Variants in NBPF26 observed in about 807,000 individuals in gnomAD.
The protein encoded by NBPF26 is NBPF member 26.
A neutral mutation model predicts 119.6 loss-of-function variants in NBPF26; 79 were observed. That is an observed-to-expected ratio of 0.66 (90% CI 0.55 to 0.80). The LOEUF is 0.80. Among genes scored for constraint, NBPF26 ranks in the 30% least tolerant of loss-of-function variants. The probability of loss-of-function intolerance (pLI) is 0.00; values close to 1 mark genes in which losing one functional copy is unlikely to be tolerated. For synonymous variants in NBPF26, 299 were observed against 457.7 expected (o/e 0.65, Z 4.43); for missense variants, 800 against 1,198.2 (o/e 0.67, Z 4.91).
chr1:120,724,218 C>G lies in NBPF26; in HGVS notation c.41C>G (p.Ala14Gly), dbSNP rs1353903876. The G allele has an allele frequency of 5.5e-5, 78 of 1,406,742 alleles. 14 individuals are homozygous for G. The South Asian group carries it at 9.7e-4, about 17-fold the overall frequency. The allele number at this position is 1,406,742 out of a possible 1,614,324, so 87.1% of individuals were successfully genotyped here. A position where few individuals can be genotyped will look rare whatever the true frequency, so the allele number is the denominator to read the frequency against. ...CCCGCTCTGCTGTGGGCGCTGCTGG[C>G]GCTCTGGCTGTGCTGGGCGGCCCCC... The change falls in exon 1 of 30, where the codon GCG becomes GGG. Residue 14 changes from alanine (A) to glycine (G), a missense_variant. By Grantham distance (60) the Ala-to-Gly change is moderately conservative. This residue lies in a region of NBPF26 where 209 missense variants were observed against 285.2 expected (regional missense o/e 0.73). Transcript: ENST00000620612.
intron 22 of NBPF26, among the ~76,000 whole-genome samples, chr1:120,832,579 G>C (rs1652364168): frequency 8.4e-6 from 1 of 119,560 alleles, no homozygotes; most frequent in Non-Finnish European, 1.6e-5. Flanking sequence ...AATCATTTGA[G>C]GGTATTTGCT....
chr1:120,793,566 A>T, intron 4 of NBPF26, 70 bp downstream of exon 4: 1 of 1,117,130 alleles, frequency 9.0e-7, no homozygotes. Context: ...GGTGTGGCTC[A>T]ATTGCATTTT....
intron 16 of NBPF26, among the ~76,000 whole-genome samples, chr1:120,823,053 G>C (rs1256853247): frequency 8.2e-6 from 1 of 121,962 alleles, no homozygotes; most frequent in Admixed American, 7.9e-5. Context: ...TTGCTCATTT[G>C]TGTACATAAA....
At chr1:120,817,847 A>AT (rs1226938292) in intron 14 of NBPF26, among the ~76,000 whole-genome samples, 4 of 107,758 alleles carry the variant, frequency 3.7e-5, no homozygotes, top group Non-Finnish European at 6.9e-5. Flanking sequence ...ATTTTTGGAG[A>AT]TTTTTTTGGG....
At position 120,780,097 on chromosome 1, in the gene NBPF26, A is replaced by T. The variant is rs1408256023; in HGVS notation, c.156-4877A>T. 3.1e-4 allele frequency among the ~76,000 whole-genome samples: 39 copies of T among 124,922 alleles called. 2 individuals carry two copies. The South Asian group carries it at 7.6e-3, about 24-fold the overall frequency. 82.0% of individuals were successfully genotyped at this position (124,922 alleles called of 152,430 possible). ...TTGAGAGACTGACTTTATCCATCACATGAAATTTAGCCTGCTATGGAACCA... is the reference window on the plus strand; with the variant it reads ...TTGAGAGACTGACTTTATCCATCACTTGAAATTTAGCCTGCTATGGAACCA... On this transcript the variant is annotated intron_variant, in intron 2 of 29. Coordinates refer to ENST00000620612, the Ensembl canonical transcript of NBPF26.
chr1:120,809,206 G>GAA (rs1264913165), intron 7 of NBPF26, among the ~76,000 whole-genome samples: 2 of 142,890 alleles, frequency 1.4e-5, no homozygotes, highest in South Asian at 4.4e-4. Context: ...GCAAGGGTCT[G>GAA]AAGCATCCAA....
intron 4 of NBPF26, among the ~76,000 whole-genome samples, chr1:120,804,914 C>A (rs1651643456): frequency 8.3e-6 from 1 of 119,960 alleles, no homozygotes. Context: ...CGGAGGATAT[C>A]AGGGCAGGCT....
chr1:120,812,958 A>AATG (rs1651908839), intron 10 of NBPF26, among the ~76,000 whole-genome samples: 1 of 115,832 alleles, frequency 8.6e-6, no homozygotes, highest in East Asian at 2.1e-4. Flanking sequence ...TAATAATAAT[A>AATG]AATAAAAATA....
intron 15 of NBPF26, among the ~76,000 whole-genome samples, chr1:120,819,342 C>T (rs1652082000): frequency 8.8e-6 from 1 of 113,706 alleles, no homozygotes; most frequent in African/African-American, 5.1e-5. Flanking sequence ...GTAGATCTTC[C>T]TCCATCCCTT....
At chr1:120,803,607 A>G (rs1422625051) in intron 4 of NBPF26, among the ~76,000 whole-genome samples, 1 of 123,216 alleles carries the variant, frequency 8.1e-6, no homozygotes, top group Non-Finnish European at 1.7e-5. Context: ...CATCACAAAA[A>G]CCAAAAAATG....
intron 29 of NBPF26, among the ~76,000 whole-genome samples, chr1:120,840,063 AC>A (rs1240504042): frequency 1.5e-5 from 1 of 65,608 alleles, no homozygotes. Flanking sequence ...GAGGGCACTA[AC>A]TCAGAGTGTC....
At chr1:120,764,502 G>C (rs1458984773) in intron 2 of NBPF26, among the ~76,000 whole-genome samples, 4 of 91,374 alleles carry the variant, frequency 4.4e-5, no homozygotes, top group Non-Finnish European at 8.3e-5. Context: ...TGTAGATTGA[G>C]GGGGAGCAGG....
rs1289532136 is a variant in NBPF26, at chr1:120,733,427, CT to C, written c.73+9179del. On this transcript the variant is annotated intron_variant, in intron 1 of 29. Coordinates refer to ENST00000620612, the Ensembl canonical transcript of NBPF26. ...AATATTAAGGGTGTTAGTCTTTTGT[CT>C]TAAATATGTCACAATATGTATGGAA... Among the ~76,000 whole-genome samples, 2 of 101,938 alleles carry C rather than the reference CT, an allele frequency of 2.0e-5. 1 individual carries two copies. Among genetic ancestry groups the C allele is most frequent in the Non-Finnish European group, 3.6e-5 (2 of 55,888 alleles). The allele number at this position is 101,938 out of a possible 152,430, so 66.9% of individuals were successfully genotyped here. A position where few individuals can be genotyped will look rare whatever the true frequency, so the allele number is the denominator to read the frequency against.
At chr1:120,765,921 G>A (rs1651186018) in intron 2 of NBPF26, among the ~76,000 whole-genome samples, 2 of 87,788 alleles carry the variant, frequency 2.3e-5, no homozygotes, top group Admixed American at 1.1e-4. Context: ...ATAAGTGGGA[G>A]CTGAACAATG....
chr1:120,784,291 T>C (rs1651398163), intron 2 of NBPF26, among the ~76,000 whole-genome samples: 1 of 117,888 alleles, frequency 8.5e-6, no homozygotes, highest in East Asian at 2.1e-4. Flanking sequence ...AGTAAGTCTG[T>C]TGTACCTCAT....
rs1449461035 is a variant in NBPF26 at position 120,814,676 on chromosome 1, C to A, written c.1878-153C>A. Among the ~76,000 whole-genome samples the A allele has an allele frequency of 2.4e-5, 3 of 123,762 alleles. 1 individual carries two copies. The highest frequency in any genetic ancestry group is 4.9e-5 in the Non-Finnish European group (3 of 60,632). 81.2% of individuals were successfully genotyped at this position (123,762 alleles called of 152,430 possible). A position where few individuals can be genotyped will look rare whatever the true frequency, so the allele number is the denominator to read the frequency against. On this transcript the variant is annotated intron_variant, in intron 11 of 29. Transcript: ENST00000620612. ...GGAAGCCTGTAAACCATTTTCTATTCTTTCTCTTGGCCACAGACATTCCTT... is the reference window on the plus strand; with the variant it reads ...GGAAGCCTGTAAACCATTTTCTATTATTTCTCTTGGCCACAGACATTCCTT...
At position 120,804,292 on chromosome 1, in the gene NBPF26, C is replaced by T. The variant is rs1651624059; in HGVS notation, c.752-1264C>T. Among the ~76,000 whole-genome samples, 5 of 108,968 alleles carry T rather than the reference C, an allele frequency of 4.6e-5. 2 individuals carry two copies. Among genetic ancestry groups the T allele is most frequent in the Non-Finnish European group, 8.6e-5 (5 of 58,266 alleles). The allele number at this position is 108,968 out of a possible 152,430, so 71.5% of individuals were successfully genotyped here. On this transcript the variant is annotated intron_variant, in intron 4 of 29. Coordinates refer to ENST00000620612, the Ensembl canonical transcript of NBPF26. ...AGGTGGTTCAGAGGATCACTGTTTC[C>T]TACTTGTTCCTCTCACCTCAAACTC...
In NBPF26 at chr1:120,790,535, CCTTTCTTTCTTTCTTTCTTTCTTT is replaced by C. The variant is rs1189272610; in HGVS notation, c.416-2591_416-2568del. Among the ~76,000 whole-genome samples, 7 of 76,714 alleles carry C rather than the reference CCTTTCTTTCTTTCTTTCTTTCTTT, an allele frequency of 9.1e-5. 1 individual carries two copies. The highest frequency in any genetic ancestry group is 3.9e-4 in the South Asian group (1 of 2,560). 50.3% of individuals were successfully genotyped at this position (76,714 alleles called of 152,430 possible). Reference sequence around the variant, plus strand: ...TTGATTCTTTCTTTCTTTCTCCCTCCCTTTCTTTCTTTCTTTCTTTCTTTCTTTCTTTCTTTCTTTCTTTCTTTC... The same window carrying C: ...TTGATTCTTTCTTTCTTTCTCCCTCCCTTTCTTTCTTTCTTTCTTTCTTTC... On this transcript the variant is annotated intron_variant, in intron 3 of 29. Coordinates refer to ENST00000620612, the Ensembl canonical transcript of NBPF26.
intron 2 of NBPF26, among the ~76,000 whole-genome samples, chr1:120,784,711 A>G (rs1651402198): frequency 8.5e-6 from 1 of 117,416 alleles, no homozygotes; most frequent in East Asian, 2.1e-4. Context: ...TTACTTAGTA[A>G]TTTTGTTTTC....
Sources: gnomAD v4.1 joint callset for allele counts (sites outside exome capture counted in the v4.1 genomes callset) on GRCh38, gnomAD v4.1.1 for gene constraint, gnomAD v4.1.1 regional missense constraint, MANE v1.5 for transcripts, NCBI Gene and HGNC (gene_info 2026-07-23, HGNC 2026-07-21) for gene names.